ATG4C: variants seen among roughly 807,000 people sequenced by gnomAD.
The protein encoded by ATG4C is cysteine protease ATG4C.
ATG4C carries 56 observed loss-of-function variants against 57.6 expected under a neutral mutation model. The observed-to-expected ratio is 0.97, with a 90% CI of 0.78 to 1.21. ATG4C has a LOEUF of 1.21. ATG4C is among the 50% of genes most tolerant of loss of function. The probability of loss-of-function intolerance (pLI) is 0.00; values close to 1 mark genes in which losing one functional copy is unlikely to be tolerated. For synonymous variants in ATG4C, 157 were observed against 174.1 expected, an observed-to-expected ratio of 0.90 and a Z score of 0.78; for missense variants, 595 against 529.8, an observed-to-expected ratio of 1.12 and a Z score of -1.21.
chr1:62,828,981 A>C, intron 6 of ATG4C, 59 bp from the exon 7 acceptor site: 1 of 1,490,618 alleles, frequency 6.7e-7, no homozygotes, highest in African/African-American at 1.4e-5. Context: ...TTGGGTAAAA[A>C]TATTTCTGAA....
rs563907739 is a variant in ATG4C, at chr1:62,845,477, T to C, written c.1209+3930T>C. Among the ~76,000 whole-genome samples the C allele has an allele frequency of 8.5e-5, 13 of 152,296 alleles. No individual in the cohort carries two copies. The East Asian group carries it at 2.1e-3, about 25-fold the overall frequency. The stretch of plus-strand genomic sequence containing the variant: ...AAATCTTTACAATTCTAGATACTAC[T>C]GCTTTGTTGGCTTTATACGTTACAA... On this transcript the variant is annotated intron_variant, in intron 10 of 10. Transcript: ENST00000317868.
At chr1:62,831,249 T>G (rs1159433711) in intron 7 of ATG4C, among the ~76,000 whole-genome samples, 1 of 152,038 alleles carries the variant, frequency 6.6e-6, no homozygotes, top group Non-Finnish European at 1.5e-5. Flanking sequence ...GATGGTTGAG[T>G]CAAACCCCAA....
chr1:62,821,951 A>C (rs767291143), intron 6 of ATG4C, among the ~76,000 whole-genome samples: 9 of 152,042 alleles, frequency 5.9e-5, no homozygotes, highest in African/African-American at 2.2e-4. Context: ...CACATGTAGA[A>C]TTTTTCACTT....
At chr1:62,808,385 G>A (rs912327108) in intron 3 of ATG4C, among the ~76,000 whole-genome samples, 2 of 151,998 alleles carry the variant, frequency 1.3e-5, no homozygotes, top group African/African-American at 4.8e-5. Context: ...TTTAAATTCG[G>A]GTATGTGTTA....
intron 10 of ATG4C, among the ~76,000 whole-genome samples, chr1:62,849,805 C>T (rs1666446013): frequency 6.6e-6 from 1 of 151,972 alleles, no homozygotes; most frequent in South Asian, 2.1e-4. Flanking sequence ...GCCACTACAC[C>T]TGGCTGTACT....
intron 9 of ATG4C, among the ~76,000 whole-genome samples, chr1:62,837,100 CTT>C (rs1280193858): frequency 6.6e-6 from 1 of 151,982 alleles, no homozygotes; most frequent in East Asian, 1.9e-4. Flanking sequence ...CTGTTGAACT[CTT>C]TTCTTCTCTG....
chr1:62,843,354 G>A (rs1666229918), intron 10 of ATG4C, among the ~76,000 whole-genome samples: 2 of 152,090 alleles, frequency 1.3e-5, no homozygotes, highest in South Asian at 4.1e-4. Flanking sequence ...TAATAATAGT[G>A]TTCTTCTTAA....
chr1:62,843,212 T>G (rs2100347694), intron 10 of ATG4C, among the ~76,000 whole-genome samples: 1 of 152,270 alleles, frequency 6.6e-6, no homozygotes, highest in Non-Finnish European at 1.5e-5. Context: ...ACTTATGGCT[T>G]TTACATTGGA....
intron 1 of ATG4C, among the ~76,000 whole-genome samples, chr1:62,787,293 T>A (rs933278797): frequency 6.6e-6 from 1 of 152,180 alleles, no homozygotes; most frequent in African/African-American, 2.4e-5. Flanking sequence ...GGGTTCTACA[T>A]GAAAGCATCT....
intron 3 of ATG4C, among the ~76,000 whole-genome samples, chr1:62,815,450 A>G (rs1242151253): frequency 6.6e-6 from 1 of 152,144 alleles, no homozygotes; most frequent in Non-Finnish European, 1.5e-5. Flanking sequence ...TACACCCCAC[A>G]CATCTTACTT....
intron 10 of ATG4C, among the ~76,000 whole-genome samples, chr1:62,862,775 G>C (rs1334254182): frequency 1.3e-5 from 2 of 151,600 alleles, no homozygotes; most frequent in Non-Finnish European, 2.9e-5. Flanking sequence ...TCATATGCTA[G>C]GCCTACCTAT....
At chr1:62,832,436 T>C (rs895091622) in intron 7 of ATG4C, among the ~76,000 whole-genome samples, 1 of 152,184 alleles carries the variant, frequency 6.6e-6, no homozygotes, top group African/African-American at 2.4e-5. Context: ...GTCTCCTTGC[T>C]GCGCTCTCAC....
chr1:62,825,234 TAAA>T lies in ATG4C; in HGVS notation c.797-3788_797-3786del, dbSNP rs71045856. Among the ~76,000 whole-genome samples the T allele has an allele frequency of 4.7e-3, 591 of 126,984 alleles. 1 individual carries two copies. Among genetic ancestry groups the T allele is most frequent in the African/African-American group, 0.014 (458 of 33,122 alleles). The allele number at this position is 126,984 out of a possible 152,430, so 83.3% of individuals were successfully genotyped here. On this transcript the variant is annotated intron_variant, in intron 6 of 10. Coordinates refer to ENST00000317868, the MANE Select transcript of ATG4C (RefSeq NM_032852.4). ...CTGGGTGACAGAGGGAGACTCCGTC[TAAA>T]AAAAAAAAAAAAAAAAAGCATGAGC... is the stretch of plus-strand genomic sequence containing the variant.
intron 9 of ATG4C, among the ~76,000 whole-genome samples, chr1:62,840,145 GCTCCCCTCCC>G (rs1020162765): frequency 6.6e-6 from 1 of 151,960 alleles, no homozygotes; most frequent in Non-Finnish European, 1.5e-5. Context: ...CTCAAATCCA[GCTCCCCTCCC>G]CTCCCCTCCC....
chr1:62,795,259 C>T (rs1664423944), intron 1 of ATG4C, among the ~76,000 whole-genome samples: 1 of 152,178 alleles, frequency 6.6e-6, no homozygotes, highest in African/African-American at 2.4e-5. Flanking sequence ...ATTACCTTCA[C>T]CTGCCCTTCT....
intron 7 of ATG4C, 77 bp from the exon 8 acceptor site, chr1:62,833,961 T>C (rs1270942569): frequency 3.2e-6 from 4 of 1,232,236 alleles, no homozygotes; most frequent in Non-Finnish European, 4.7e-6. Flanking sequence ...GCTACTAATA[T>C]TAGTAATAGA....
At chr1:62,833,732 C>G (rs1023797523) in intron 7 of ATG4C, among the ~76,000 whole-genome samples, 1 of 152,100 alleles carries the variant, frequency 6.6e-6, no homozygotes, top group African/African-American at 2.4e-5. Context: ...AGTGTATTGG[C>G]TTTGGCAGGA....
intron 1 of ATG4C, among the ~76,000 whole-genome samples, chr1:62,792,048 C>T (rs564630749): frequency 1.2e-4 from 18 of 152,096 alleles, no homozygotes; most frequent in Admixed American, 6.6e-4. Context: ...CTCAGGCTGT[C>T]GTACAGTGGC....
chr1:62,835,835 G>A lies in ATG4C; in HGVS notation c.1089+983G>A, dbSNP rs147518670. Among the ~76,000 whole-genome samples, 436 of 152,084 alleles carry A rather than the reference G, an allele frequency of 2.9e-3. 3 individuals are homozygous for A. The highest frequency in any genetic ancestry group is 0.01 in the African/African-American group (423 of 41,526). ...TAAATATTTGCTAGTTGACTGATTG[G>A]TACTGGGGAAGGCACTACAGAATAA... On this transcript the variant is annotated intron_variant, in intron 9 of 10. Transcript: ENST00000317868.
Sources: allele counts gnomAD v4.1 joint callset (sites outside exome capture counted in the v4.1 genomes callset), GRCh38; gene constraint gnomAD v4.1.1; transcripts MANE v1.5; gene names NCBI Gene and HGNC (gene_info 2026-07-23, HGNC 2026-07-21).